WNT9B: variants seen among roughly 807,000 people sequenced by gnomAD.
The protein encoded by WNT9B is protein Wnt-9b.
WNT9B carries 12 observed loss-of-function variants against 30.2 expected under a neutral mutation model. That is an observed-to-expected ratio of 0.40 (90% CI 0.26 to 0.64). WNT9B has a LOEUF of 0.64. Ranked by LOEUF, WNT9B falls within the 30% of genes least tolerant of loss-of-function variation. The probability of loss-of-function intolerance (pLI) is 0.42; values close to 1 mark genes in which losing one functional copy is unlikely to be tolerated. For synonymous variants in WNT9B, 218 were observed against 216.9 expected (o/e 1.01, Z -0.05); for missense variants, 442 against 485.2 (o/e 0.91, Z 0.84).
At chr17:46,857,188 G>T (rs1211903081) in intron 1 of WNT9B, among the ~76,000 whole-genome samples, 2 of 152,064 alleles carry the variant, frequency 1.3e-5, no homozygotes, top group East Asian at 3.9e-4. Context: ...GGTTATTTTG[G>T]CTGGGCGTGG....
chr17:46,864,722 G>T (rs371671189), intron 1 of WNT9B, among the ~76,000 whole-genome samples: 32 of 152,220 alleles, frequency 2.1e-4, no homozygotes, highest in East Asian at 1.5e-3. Context: ...AAACTGCCAG[G>T]CTTGGTGGAA....
At chr17:46,867,733 A>G (rs1176210583) in intron 1 of WNT9B, among the ~76,000 whole-genome samples, 2 of 152,146 alleles carry the variant, frequency 1.3e-5, no homozygotes, top group Non-Finnish European at 2.9e-5. Flanking sequence ...GGAGGTGGGG[A>G]AGGAGGTTCC....
At position 46,876,308 on chromosome 17, in the gene WNT9B, C is replaced by T. The variant is rs773812928; in HGVS notation, c.664C>T (p.Arg222Cys). 12 of 1,614,154 alleles carry T rather than the reference C, an allele frequency of 7.4e-6. No individual in the cohort carries two copies. Among genetic ancestry groups the T allele is most frequent in the Middle Eastern group, 1.6e-4 (1 of 6,062 alleles). ...CHGVSGSCAV[R>C]TCWKQLSPFR... The stretch of plus-strand genomic sequence containing the variant: ...TGGCGTATCAGGCTCCTGTGCCGTG[C>T]GCACCTGCTGGAAGCAGCTCTCCCC... Residue 222 changes from arginine (R) to cysteine (C), a missense_variant, in exon 4 of 4, where the codon CGC (arginine) becomes TGC (cysteine). Coordinates refer to ENST00000290015, the MANE Select transcript of WNT9B (RefSeq NM_003396.3).
At chr17:46,865,459 C>A (rs947179169) in intron 1 of WNT9B, among the ~76,000 whole-genome samples, 2 of 151,998 alleles carry the variant, frequency 1.3e-5, no homozygotes, top group Non-Finnish European at 2.9e-5. Context: ...GGAAGTGTGG[C>A]CAGATTCAGT....
At chr17:46,840,562 C>A (rs1279823408) in intron 1 of WNT9B, among the ~76,000 whole-genome samples, 1 of 152,190 alleles carries the variant, frequency 6.6e-6, no homozygotes, top group Non-Finnish European at 1.5e-5. Flanking sequence ...ATTGCTAGTT[C>A]TAGATCCTTG....
chr17:46,873,533 C>T (rs1267638974), intron 2 of WNT9B, among the ~76,000 whole-genome samples: 1 of 152,126 alleles, frequency 6.6e-6, no homozygotes, highest in African/African-American at 2.4e-5. Flanking sequence ...CTGTCAATTG[C>T]CCCTTAAACT....
At chr17:46,840,327 C>G (rs1042207916) in intron 1 of WNT9B, among the ~76,000 whole-genome samples, 13 of 152,156 alleles carry the variant, frequency 8.5e-5, no homozygotes, top group African/African-American at 2.9e-4. Flanking sequence ...ACCTCATGAT[C>G]CACCCGCCTC....
At chr17:46,856,464 CA>C (rs2084940425) in intron 1 of WNT9B, among the ~76,000 whole-genome samples, 1 of 151,576 alleles carries the variant, frequency 6.6e-6, no homozygotes, top group Non-Finnish European at 1.5e-5. Context: ...TTGTTATATA[CA>C]ATGAAATGCA....
chr17:46,874,842 T>G, intron 2 of WNT9B: 1 of 606,142 alleles, frequency 1.6e-6, no homozygotes, highest in Admixed American at 2.8e-5. Flanking sequence ...CCTCCTAAAG[T>G]GCTGGGATTA....
intron 1 of WNT9B, among the ~76,000 whole-genome samples, chr17:46,838,814 T>G (rs1358970106): frequency 2.6e-5 from 4 of 152,120 alleles, no homozygotes; most frequent in Non-Finnish European, 5.9e-5. Flanking sequence ...TAGAGGCCTG[T>G]GCACAGAGAG....
chr17:46,853,001 T>C (rs1417976741), intron 1 of WNT9B, among the ~76,000 whole-genome samples: 1 of 152,186 alleles, frequency 6.6e-6, no homozygotes, highest in African/African-American at 2.4e-5. Context: ...ACTCAGTCTC[T>C]GGGCCTCACT....
chr17:46,868,140 G>A (rs2085171333), intron 1 of WNT9B, among the ~76,000 whole-genome samples: 1 of 152,186 alleles, frequency 6.6e-6, no homozygotes, highest in African/African-American at 2.4e-5. Context: ...GCCCCAGGAG[G>A]CTCAGGAGCA....
chr17:46,839,976 C>CTTTCTTTTTTCTT (rs1307429504), intron 1 of WNT9B, among the ~76,000 whole-genome samples: 1 of 100,936 alleles, frequency 9.9e-6, no homozygotes, highest in Non-Finnish European at 2.1e-5. Flanking sequence ...TTCTTTCTTT[C>CTTTCTTTTTTCTT]TCTTCTTTCT....
At chr17:46,850,335 C>T (rs1236120012), upstream of WNT9B, among the ~76,000 whole-genome samples, 1 of 152,186 alleles carries the variant, frequency 6.6e-6, no homozygotes, top group Non-Finnish European at 1.5e-5. Context: ...ATCATCAGAT[C>T]ATGTAATCAC....
chr17:46,837,157 G>A (rs531106496), intron 1 of WNT9B, among the ~76,000 whole-genome samples: 1 of 152,174 alleles, frequency 6.6e-6, no homozygotes, highest in South Asian at 2.1e-4. Flanking sequence ...TGGCCAGGCT[G>A]GTCTTGATCT....
chr17:46,844,914 C>T (rs1171563706), intron 1 of WNT9B, among the ~76,000 whole-genome samples: 6 of 151,840 alleles, frequency 4.0e-5, no homozygotes, highest in African/African-American at 1.5e-4. Context: ...ATGGTGGGAT[C>T]TCTGCTCACT....
chr17:46,841,707 TG>T (rs2084715935), intron 1 of WNT9B, among the ~76,000 whole-genome samples: 1 of 152,056 alleles, frequency 6.6e-6, no homozygotes, highest in Non-Finnish European at 1.5e-5. Flanking sequence ...CCCTCTGGAC[TG>T]GGGAGTGCGG....
intron 1 of WNT9B, among the ~76,000 whole-genome samples, chr17:46,867,276 G>A (rs1437707247): frequency 6.6e-6 from 1 of 152,234 alleles, no homozygotes; most frequent in East Asian, 1.9e-4. Flanking sequence ...GGAGCTTACT[G>A]TGTGCTCACT....
At chr17:46,841,184 C>T (rs1225033795) in intron 1 of WNT9B, among the ~76,000 whole-genome samples, 1 of 152,196 alleles carries the variant, frequency 6.6e-6, no homozygotes, top group Non-Finnish European at 1.5e-5. Flanking sequence ...AGGAACATGA[C>T]ACGCATGATT....
Sources: gnomAD v4.1 joint callset for allele counts (sites outside exome capture counted in the v4.1 genomes callset) on GRCh38, gnomAD v4.1.1 for gene constraint, MANE v1.5 for transcripts, NCBI Gene and HGNC (gene_info 2026-07-23, HGNC 2026-07-21) for gene names.